The following VMP1 variants were observed in gnomAD, a reference collection of about 807,000 sequenced individuals.
VMP1 encodes vacuole membrane protein 1, also known as ectopic P-granules autophagy protein 3 homolog.
VMP1 carries 11 observed loss-of-function variants against 56.0 expected under a neutral mutation model. The ratio of observed to expected loss-of-function variants is 0.20; its 90% confidence interval spans 0.12 to 0.32. VMP1 has a LOEUF of 0.32. VMP1 is among the 10% of genes least tolerant of loss of function. The probability of loss-of-function intolerance (pLI) is 1.00; values close to 1 mark genes in which losing one functional copy is unlikely to be tolerated. For synonymous variants in VMP1, 149 were observed against 165.0 expected (o/e 0.90, Z 0.74); for missense variants, 296 against 490.3 (o/e 0.60, Z 3.74).
chr17:59,735,496 C>A, intron 3 of VMP1, 23 bp downstream of exon 3: 1 of 1,612,672 alleles, frequency 6.2e-7, no homozygotes. Flanking sequence ...CTCCCACTAC[C>A]TTTTACATAC....
chr17:59,735,217 A>T, intron 2 of VMP1, 121 bp from the exon 3 acceptor site: 1 of 1,324,986 alleles, frequency 7.5e-7, no homozygotes, highest in East Asian at 2.5e-5. Context: ...TTTTCACAAG[A>T]CTCTAGGACT....
At chr17:59,836,437 A>G (rs1238166321) in intron 10 of VMP1, among the ~76,000 whole-genome samples, 1 of 151,912 alleles carries the variant, frequency 6.6e-6, no homozygotes, top group African/African-American at 2.4e-5. Flanking sequence ...GGCTCAAGCC[A>G]TCCTCCCATC....
intron 7 of VMP1, among the ~76,000 whole-genome samples, chr17:59,798,809 C>T (rs1361518557): frequency 6.6e-6 from 1 of 152,104 alleles, no homozygotes; most frequent in Non-Finnish European, 1.5e-5. Flanking sequence ...TTGCTTGAAC[C>T]CAGGAGGCAG....
chr17:59,719,520 T>G (rs2034311742), intron 1 of VMP1, among the ~76,000 whole-genome samples: 1 of 152,184 alleles, frequency 6.6e-6, no homozygotes, highest in African/African-American at 2.4e-5. Flanking sequence ...GTTCGTTTTA[T>G]TTTGGGATGA....
At chr17:59,763,641 T>C (rs909153162) in intron 5 of VMP1, among the ~76,000 whole-genome samples, 1 of 152,176 alleles carries the variant, frequency 6.6e-6, no homozygotes, top group African/African-American at 2.4e-5. Flanking sequence ...TTTTATTATC[T>C]TGATAGTAGA....
intron 7 of VMP1, among the ~76,000 whole-genome samples, chr17:59,804,939 C>G (rs912459105): frequency 6.6e-6 from 1 of 151,870 alleles, no homozygotes; most frequent in Non-Finnish European, 1.5e-5. Flanking sequence ...TGTGAAAGAC[C>G]TGGAAAAAAT....
At chr17:59,717,223 G>A (rs1568013282) in intron 1 of VMP1, among the ~76,000 whole-genome samples, 1 of 151,976 alleles carries the variant, frequency 6.6e-6, no homozygotes. Flanking sequence ...GCCCGCTTCG[G>A]CCTCCCAAAG....
chr17:59,739,271 A>G (rs2035124723), intron 5 of VMP1, among the ~76,000 whole-genome samples: 1 of 152,264 alleles, frequency 6.6e-6, no homozygotes, highest in Non-Finnish European at 1.5e-5. Flanking sequence ...AGTCCATTTA[A>G]ATATGCAAAA....
At chr17:59,766,756 C>T (rs939892037) in intron 6 of VMP1, among the ~76,000 whole-genome samples, 2 of 151,782 alleles carry the variant, frequency 1.3e-5, no homozygotes, top group African/African-American at 4.8e-5. Context: ...CTAATCCACA[C>T]AATTTTTTTT....
chr17:59,732,176 A>AT (rs2034849868), intron 2 of VMP1, among the ~76,000 whole-genome samples: 1 of 152,140 alleles, frequency 6.6e-6, no homozygotes, highest in Non-Finnish European at 1.5e-5. Flanking sequence ...TAGTGTGGTA[A>AT]TATTTTCACA....
At chr17:59,837,645 C>T (rs1265629750) in intron 10 of VMP1, 1 of 152,198 alleles carries the variant, frequency 6.6e-6, no homozygotes, top group Non-Finnish European at 1.5e-5. Flanking sequence ...TTCATAGTTC[C>T]TTCTTTGTTC....
chr17:59,737,463 C>T lies in VMP1; in HGVS notation c.223C>T (p.Arg75Cys), dbSNP rs756827363. The T allele has an allele frequency of 1.9e-6, 3 of 1,609,374 alleles. No homozygotes were observed. Among genetic ancestry groups the T allele is most frequent in the Non-Finnish European group, 1.7e-6 (2 of 1,178,390 alleles). ...LKEWTSKLWH[R>C]QSIVVSFLLL... ...TTATTTGTTTTTAAGATTATGGCATCGTCAAAGCATTGTGGTGTCTTTTTT... is the reference window on the plus strand; with the variant it reads ...TTATTTGTTTTTAAGATTATGGCATTGTCAAAGCATTGTGGTGTCTTTTTT... The change falls in exon 4 of 12, where the codon CGT becomes TGT. Residue 75 changes from arginine to cysteine, a missense_variant. By Grantham distance (180) the Arg-to-Cys change is radical (BLOSUM62 -3). Transcript: ENST00000262291.
At chr17:59,763,106 CT>C (rs2036115671) in intron 5 of VMP1, among the ~76,000 whole-genome samples, 2 of 151,638 alleles carry the variant, frequency 1.3e-5, no homozygotes, top group South Asian at 4.1e-4. Context: ...TCATATGTCT[CT>C]TTTGTGTTTT....
intron 5 of VMP1, among the ~76,000 whole-genome samples, chr17:59,764,242 A>G (rs945424222): frequency 2.6e-5 from 4 of 152,222 alleles, no homozygotes; most frequent in Middle Eastern, 3.2e-3. Context: ...AAATATAGAT[A>G]AATAAAATAA....
At chr17:59,762,425 A>T (rs1392472376) in intron 5 of VMP1, among the ~76,000 whole-genome samples, 7 of 152,238 alleles carry the variant, frequency 4.6e-5, no homozygotes, top group Non-Finnish European at 8.8e-5. Context: ...AATATACTTT[A>T]AAAGTAGTTT....
At chr17:59,720,058 AACTT>A (rs1428301563) in intron 1 of VMP1, among the ~76,000 whole-genome samples, 1 of 152,244 alleles carries the variant, frequency 6.6e-6, no homozygotes, top group Non-Finnish European at 1.5e-5. Context: ...AAACAAAACT[AACTT>A]ACATACGTGC....
chr17:59,789,641 T>C (rs1420381355), intron 7 of VMP1, among the ~76,000 whole-genome samples: 10 of 152,246 alleles, frequency 6.6e-5, no homozygotes, highest in Middle Eastern at 3.4e-3. Context: ...CCCTTTGTTA[T>C]AAGTGCTGAG....
intron 5 of VMP1, among the ~76,000 whole-genome samples, chr17:59,746,325 C>T (rs2035422162): frequency 6.6e-6 from 1 of 152,180 alleles, no homozygotes; most frequent in Non-Finnish European, 1.5e-5. Context: ...GTGTGCACCG[C>T]CACACCCAGC....
intron 5 of VMP1, among the ~76,000 whole-genome samples, chr17:59,740,106 T>G (rs1277536763): frequency 6.7e-6 from 1 of 149,298 alleles, no homozygotes; most frequent in Admixed American, 6.7e-5. Context: ...GAAAAAGAAA[T>G]AAGAGAGAAT....
Sources: allele counts gnomAD v4.1 joint callset (sites outside exome capture counted in the v4.1 genomes callset), GRCh38; gene constraint gnomAD v4.1.1; transcripts MANE v1.5; gene names NCBI Gene and HGNC (gene_info 2026-07-23, HGNC 2026-07-21).